Variants in ESR1 observed in about 807,000 individuals in gnomAD.
ESR1 encodes the protein estrogen receptor 1.
A neutral mutation model predicts 52.7 loss-of-function variants in ESR1; 12 were observed. The observed-to-expected ratio is 0.23, with a 90% CI of 0.15 to 0.37. The LOEUF (loss-of-function observed/expected upper bound fraction) is 0.37. Ranked by LOEUF, ESR1 falls within the 10% of genes least tolerant of loss-of-function variation. ESR1 has a pLI of 1.00. For synonymous variants in ESR1, 305 were observed against 316.8 expected (o/e 0.96, Z 0.39); for missense variants, 584 against 779.7 (o/e 0.75, Z 2.99).
intron 2 of ESR1, among the ~76,000 whole-genome samples, chr6:151,722,139 T>G (rs1781503617): frequency 6.6e-6 from 1 of 152,208 alleles, no homozygotes; most frequent in South Asian, 2.1e-4. Flanking sequence ...CTTAGGTGGA[T>G]GGGGACAGCC....
intron 3 of ESR1, among the ~76,000 whole-genome samples, chr6:151,885,949 A>G (rs1301709776): frequency 1.3e-5 from 2 of 152,186 alleles, no homozygotes; most frequent in South Asian, 2.1e-4. Flanking sequence ...ATAAATCTAA[A>G]GTGCCACACA....
intron 2 of ESR1, among the ~76,000 whole-genome samples, chr6:151,719,168 G>A (rs749823298): frequency 2.6e-5 from 4 of 152,188 alleles, no homozygotes; most frequent in South Asian, 2.1e-4. Context: ...ACATCTTGCC[G>A]TTGTTTACAT....
intron 5 of ESR1, among the ~76,000 whole-genome samples, chr6:152,046,496 G>T (rs1481958910): frequency 1.3e-5 from 2 of 152,132 alleles, no homozygotes; most frequent in African/African-American, 4.8e-5. Flanking sequence ...ATTTAACTTG[G>T]TGGTTACATA....
chr6:151,949,202 C>G (rs568771459), intron 4 of ESR1, among the ~76,000 whole-genome samples: 1 of 152,314 alleles, frequency 6.6e-6, no homozygotes, highest in African/African-American at 2.4e-5. Flanking sequence ...GCCATGCGCT[C>G]TGAGGACTTT....
At chr6:151,683,951 A>G (rs184233156) in intron 1 of ESR1, among the ~76,000 whole-genome samples, 17 of 147,802 alleles carry the variant, frequency 1.2e-4, no homozygotes, top group African/African-American at 4.0e-4. Flanking sequence ...AGCTCAACTC[A>G]TCAGCCCACC....
intron 3 of ESR1, among the ~76,000 whole-genome samples, chr6:151,886,044 T>G (rs780199317): frequency 6.7e-6 from 1 of 148,914 alleles, no homozygotes; most frequent in South Asian, 2.1e-4. Flanking sequence ...CACTGCTGGG[T>G]TTTTTTTTTC....
At chr6:151,910,305 G>A (rs1166985688) in intron 3 of ESR1, among the ~76,000 whole-genome samples, 2 of 151,904 alleles carry the variant, frequency 1.3e-5, no homozygotes, top group Non-Finnish European at 2.9e-5. Context: ...GGATTGAACC[G>A]AACAGATCTA....
chr6:151,735,017 A>G (rs1212910003), intron 2 of ESR1, among the ~76,000 whole-genome samples: 5 of 152,214 alleles, frequency 3.3e-5, no homozygotes, highest in Non-Finnish European at 7.3e-5. Flanking sequence ...AGTCATTTTG[A>G]TTTTATTAAA....
At chr6:152,111,025 A>G (rs2051126082) in intron 6 of ESR1, among the ~76,000 whole-genome samples, 1 of 152,030 alleles carries the variant, frequency 6.6e-6, no homozygotes, top group Non-Finnish European at 1.5e-5. Flanking sequence ...CTCTATTTCT[A>G]GCCGATGACC....
chr6:151,949,414 A>G (rs1375524075), intron 4 of ESR1, among the ~76,000 whole-genome samples: 2 of 152,198 alleles, frequency 1.3e-5, no homozygotes, highest in Non-Finnish European at 1.5e-5. Flanking sequence ...TCTGCTTCCC[A>G]ACCTGTCATT....
intron 1 of ESR1, among the ~76,000 whole-genome samples, chr6:151,660,617 A>T (rs982903659): frequency 2.0e-5 from 3 of 152,178 alleles, no homozygotes; most frequent in African/African-American, 7.2e-5. Context: ...TTTTGTTTAG[A>T]AGTACTTGCA....
intron 3 of ESR1, among the ~76,000 whole-genome samples, chr6:151,939,774 T>A (rs1319447107): frequency 6.6e-6 from 1 of 152,144 alleles, no homozygotes; most frequent in Non-Finnish European, 1.5e-5. Context: ...ATATTTTATA[T>A]TATTGTTTTT....
intron 3 of ESR1, among the ~76,000 whole-genome samples, chr6:151,896,141 T>C (rs529818416): frequency 3.3e-4 from 51 of 152,260 alleles, no homozygotes; most frequent in Admixed American, 1.0e-3. Context: ...GGCCTGTAGG[T>C]TTCTTTTTTT....
At chr6:151,955,055 T>C (rs2036750534) in intron 4 of ESR1, among the ~76,000 whole-genome samples, 1 of 152,324 alleles carries the variant, frequency 6.6e-6, no homozygotes, top group East Asian at 1.9e-4. Flanking sequence ...ATCTAACATA[T>C]ACATGTCAAA....
chr6:151,876,470 G>A (rs141585615), intron 2 of ESR1, among the ~76,000 whole-genome samples: 1 of 152,232 alleles, frequency 6.6e-6, no homozygotes, highest in East Asian at 1.9e-4. Context: ...TGCTTGGCCT[G>A]TCTTTATATT....
Position 152,005,009 on chromosome 6 carries a change from G to A in ESR1, c.1097-6647G>A, listed in dbSNP as rs150175649. ...TTACCACTGGTTTTTACTGCATAGC[G>A]TTTGCCTGAAGAACACCACTTTGTT... On this transcript the variant is annotated intron_variant, in intron 4 of 7. Coordinates refer to ENST00000206249, the MANE Select transcript of ESR1 (RefSeq NM_000125.4). Among the ~76,000 whole-genome samples, 758 of 151,494 alleles carry A rather than the reference G, an allele frequency of 5.0e-3. 7 individuals carry two copies. Among genetic ancestry groups the A allele is most frequent in the African/African-American group, 0.018 (727 of 41,110 alleles).
chr6:152,105,870 C>T (rs1174741917), downstream of ESR1, among the ~76,000 whole-genome samples: 2 of 140,188 alleles, frequency 1.4e-5, no homozygotes, highest in African/African-American at 2.7e-5. Flanking sequence ...TCGCTGCAAG[C>T]TCCGCTTCCC....
intron 6 of ESR1, among the ~76,000 whole-genome samples, chr6:152,086,355 T>C (rs548032207): frequency 6.6e-6 from 1 of 150,764 alleles, no homozygotes; most frequent in Non-Finnish European, 1.5e-5. Context: ...TTACAAAGGC[T>C]ATATTTATTA....
intron 2 of ESR1, among the ~76,000 whole-genome samples, chr6:151,716,324 G>A (rs1307670700): frequency 6.6e-6 from 1 of 152,190 alleles, no homozygotes; most frequent in Admixed American, 6.5e-5. Flanking sequence ...ACCCACTTGA[G>A]CAGGTAGTCT....
Sources: gnomAD v4.1 joint callset for allele counts (sites outside exome capture counted in the v4.1 genomes callset) on GRCh38, gnomAD v4.1.1 for gene constraint, MANE v1.5 for transcripts, NCBI Gene and HGNC (gene_info 2026-07-23, HGNC 2026-07-21) for gene names.